The following DNAH11 variants were observed in gnomAD, a reference collection of about 807,000 sequenced individuals.
The protein encoded by DNAH11 is dynein axonemal heavy chain 11.
In DNAH11, 442 loss-of-function variants were observed where a neutral mutation model predicts 526.0. The ratio of observed to expected loss-of-function variants is 0.84; its 90% CI spans 0.78 to 0.91. The LOEUF is 0.91. DNAH11 is among the 40% of genes least tolerant of loss of function. The pLI is 0.00. For missense variants in DNAH11, 6,989 were observed against 5,448.7 expected (o/e 1.28, Z -8.90); for synonymous variants, 2,461 against 1,935.9 (o/e 1.27, Z -7.12).
At chr7:21,877,223 C>G (rs1037721841) in intron 74 of DNAH11, among the ~76,000 whole-genome samples, 10 of 151,794 alleles carry the variant, frequency 6.6e-5, no homozygotes, top group Admixed American at 1.3e-4. Context: ...CTAATTAAAC[C>G]TTTTTTTTCT....
intron 20 of DNAH11, among the ~76,000 whole-genome samples, chr7:21,608,478 A>AC (rs1378021196): frequency 6.6e-6 from 1 of 152,182 alleles, no homozygotes; most frequent in East Asian, 1.9e-4. Flanking sequence ...GATGCGGCTG[A>AC]CAGAGCCCTT....
At chr7:21,796,434 T>A (rs1000001498) in intron 61 of DNAH11, among the ~76,000 whole-genome samples, 3 of 151,980 alleles carry the variant, frequency 2.0e-5, no homozygotes, top group African/African-American at 7.3e-5. Flanking sequence ...GGAAGCAGAA[T>A]GAACATGGAT....
chr7:21,591,381 A>T lies in DNAH11; in HGVS notation c.2471A>T (p.Glu824Val). ...GTGAGGGCAGCCACGTCCGAGTTGG[A>T]GCACAGAGTTGAGCGCACACAGAAA... ...ERVRAATSEL[E>V]HRVERTQKNV... The change falls in exon 14 of 82, where the codon GAG (glutamate) becomes GTG (valine). Residue 824 changes from glutamate (E) to valine (V), a missense_variant. Physicochemically the swap from Glu to Val is moderately radical, Grantham distance 121. Coordinates refer to ENST00000409508, the MANE Select transcript of DNAH11 (RefSeq NM_001277115.2). 3 of 1,613,932 alleles carry T rather than the reference A, an allele frequency of 1.9e-6. No individual in the cohort carries two copies. The highest frequency in any genetic ancestry group is 1.7e-6 in the Non-Finnish European group (2 of 1,179,860).
chr7:21,638,935 G>T lies in DNAH11; in HGVS notation c.4818-4G>T, dbSNP rs1432574471. On this transcript the variant is annotated splice_polypyrimidine_tract_variant and splice_region_variant and intron_variant, in intron 27 of 81. Coordinates refer to ENST00000409508, the MANE Select transcript of DNAH11 (RefSeq NM_001277115.2). ...ATGCTTAAAAACATTTTTCATTCAT[G>T]TAGGCTTTCTCTTTGTGAAAAAGCT... 6.2e-7 allele frequency: 1 copy of T among 1,600,030 alleles called. No individual in the cohort carries two copies. Among genetic ancestry groups the T allele is most frequent in the South Asian group, 1.1e-5 (1 of 87,796 alleles).
chr7:21,818,481 C>A, intron 65 of DNAH11, 142 bp downstream of exon 65: 4 of 777,920 alleles, frequency 5.1e-6, no homozygotes, highest in South Asian at 2.1e-5. Flanking sequence ...ACTCCAAGAC[C>A]AAAGCAACTG....
intron 68 of DNAH11, among the ~76,000 whole-genome samples, chr7:21,856,930 A>G (rs999156460): frequency 6.6e-5 from 10 of 152,252 alleles, no homozygotes; most frequent in Admixed American, 2.6e-4. Context: ...CAAGACAAGG[A>G]TATCTTTCTC....
chr7:21,716,852 C>G (rs756800422), intron 42 of DNAH11, among the ~76,000 whole-genome samples: 3 of 152,138 alleles, frequency 2.0e-5, no homozygotes, highest in African/African-American at 4.8e-5. Flanking sequence ...TGTAACATAA[C>G]CGGCTATTTA....
intron 28 of DNAH11, among the ~76,000 whole-genome samples, chr7:21,644,728 C>T (rs907542876): frequency 1.3e-5 from 2 of 152,130 alleles, no homozygotes; most frequent in African/African-American, 4.8e-5. Context: ...TAGTCTGTCA[C>T]AGAAAGTACA....
rs761911414 is a variant in DNAH11, at chr7:21,892,427, T to C, written c.12510T>C (p.Thr4170=). The C allele has an allele frequency of 1.2e-6, 2 of 1,606,114 alleles. No homozygotes were observed. Among genetic ancestry groups the C allele is most frequent in the East Asian group, 2.2e-5 (1 of 44,696 alleles). Residue 4170 remains threonine (T), a splice_region_variant and synonymous_variant, in exon 77 of 82, where the codon ACT becomes ACC. Transcript: ENST00000409508. ...TGACTTTTCCTTTGTGGTTCAAGAC[T>C]GAAGATGAACTGATGCTGGCACCAG... ...YLEEFMNPSL[T]EDELMLAPGF...
At chr7:21,805,415 T>C (rs541187856) in intron 62 of DNAH11, among the ~76,000 whole-genome samples, 11 of 152,234 alleles carry the variant, frequency 7.2e-5, no homozygotes, top group African/African-American at 1.2e-4. Flanking sequence ...TCACTAGATA[T>C]TTGCTGAATG....
intron 65 of DNAH11, among the ~76,000 whole-genome samples, chr7:21,820,218 A>G (rs868089833): frequency 6.6e-6 from 1 of 152,154 alleles, no homozygotes; most frequent in East Asian, 1.9e-4. Flanking sequence ...GCCAGGTACT[A>G]TACTGGGGGC....
At chr7:21,740,021 A>G (rs1204172136) in intron 48 of DNAH11, among the ~76,000 whole-genome samples, 6 of 152,160 alleles carry the variant, frequency 3.9e-5, no homozygotes, top group Admixed American at 3.9e-4. Flanking sequence ...CAGAGTTTAC[A>G]TCGGGATTCC....
intron 28 of DNAH11, among the ~76,000 whole-genome samples, chr7:21,652,679 G>T (rs922388610): frequency 1.3e-4 from 20 of 152,094 alleles, no homozygotes; most frequent in African/African-American, 3.9e-4. Context: ...ATTTCAACTG[G>T]TGTGGTCATT....
chr7:21,705,321 T>C (rs1175986450), intron 38 of DNAH11, 139 bp from the exon 39 acceptor site: 3 of 756,486 alleles, frequency 4.0e-6, no homozygotes, highest in Non-Finnish European at 6.5e-6. Flanking sequence ...TTATGGTCTA[T>C]TTTAACTTTC....
intron 63 of DNAH11, among the ~76,000 whole-genome samples, chr7:21,810,644 T>C (rs765039241): frequency 6.6e-6 from 1 of 152,118 alleles, no homozygotes; most frequent in Non-Finnish European, 1.5e-5. Context: ...TTGGACAAGA[T>C]AAGTTTATAA....
chr7:21,835,765 T>C (rs1450395641), intron 65 of DNAH11, among the ~76,000 whole-genome samples: 1 of 150,152 alleles, frequency 6.7e-6, no homozygotes, highest in Admixed American at 6.7e-5. Flanking sequence ...AGGCAGCAAG[T>C]AAGTAAGAGA....
At chr7:21,761,689 C>T (rs1562530835) in intron 54 of DNAH11, among the ~76,000 whole-genome samples, 1 of 152,140 alleles carries the variant, frequency 6.6e-6, no homozygotes, top group Non-Finnish European at 1.5e-5. Flanking sequence ...AACAACTGGT[C>T]TCCATGCCAC....
chr7:21,901,123 C>A lies in DNAH11; in HGVS notation c.13420C>A (p.Gln4474Lys), dbSNP rs1467862243. ...ATPVDRQETK[Q>K]TYECPVYRTK... ...CCCCGTGGACAGACAAGAAACCAAA[C>A]AGACCTACGAGTGCCCTGTGTATAG... Residue 4474 changes from glutamine (Q) to lysine (K), a missense_variant, in exon 82 of 82, where the codon CAG becomes AAG. By Grantham distance (53) the Gln-to-Lys change is moderately conservative (BLOSUM62 1). Coordinates refer to ENST00000409508, the MANE Select transcript of DNAH11 (RefSeq NM_001277115.2). 6 of 1,613,932 alleles carry A rather than the reference C, an allele frequency of 3.7e-6. No homozygotes were observed. Among genetic ancestry groups the A allele is most frequent in the Admixed American group, 1.7e-5 (1 of 60,016 alleles).
chr7:21,635,483 C>T (rs1454903664), intron 25 of DNAH11, among the ~76,000 whole-genome samples: 1 of 151,982 alleles, frequency 6.6e-6, no homozygotes, highest in African/African-American at 2.4e-5. Context: ...TAAACACATA[C>T]CTATACAATC....
Sources: allele counts gnomAD v4.1 joint callset (sites outside exome capture counted in the v4.1 genomes callset), GRCh38; gene constraint gnomAD v4.1.1; transcripts MANE v1.5; gene names NCBI Gene and HGNC (gene_info 2026-07-23, HGNC 2026-07-21).